POLH: variants seen among roughly 807,000 people sequenced by gnomAD.
POLH encodes the protein DNA polymerase eta.
In POLH, 53 loss-of-function variants were observed where a neutral mutation model predicts 73.6. That is an observed-to-expected ratio of 0.72 (90% CI 0.58 to 0.91). The LOEUF (loss-of-function observed/expected upper bound fraction) is 0.91. Ranked by LOEUF, POLH falls within the 40% of genes least tolerant of loss-of-function variation. POLH has a pLI of 0.00. For missense variants in POLH, 768 were observed against 865.4 expected (o/e 0.89, Z 1.41); for synonymous variants, 292 against 308.5 (o/e 0.95, Z 0.56).
chr6:43,613,778 C>A lies in POLH; in HGVS notation c.1363C>A (p.Pro455Thr). The change falls in exon 11 of 11, where the codon CCA (proline) becomes ACA (threonine). Residue 455 changes from proline to threonine, a missense_variant. Transcript: ENST00000372236. ...SSDPSSLPKVPVTSSEAKTQG... is the reference protein window; with the variant it reads ...SSDPSSLPKVTVTSSEAKTQG... ...TGACCCAAGTTCTCTGCCAAAGGTG[C>A]CAGTTACCAGCTCAGAAGCTAAGAC... 1 of 1,613,838 alleles carries A rather than the reference C, an allele frequency of 6.2e-7. No homozygotes were observed. Among genetic ancestry groups the A allele is most frequent in the Non-Finnish European group, 8.5e-7 (1 of 1,179,912 alleles).
chr6:43,579,485 G>C (rs537549550), intron 1 of POLH, among the ~76,000 whole-genome samples: 344 of 152,310 alleles, frequency 2.3e-3, no homozygotes, highest in Non-Finnish European at 4.0e-3. Flanking sequence ...GAAGTTCCTG[G>C]AGAGTGGTGT....
intron 1 of POLH, among the ~76,000 whole-genome samples, chr6:43,577,000 A>G (rs1236832018): frequency 6.6e-6 from 1 of 152,170 alleles, no homozygotes; most frequent in South Asian, 2.1e-4. Flanking sequence ...TACTAAACAT[A>G]CAAAAATTAT....
Position 43,604,001 on chromosome 6 carries a change from GAGA to G in POLH, c.879_881del (p.Lys293del). On this transcript the variant is annotated inframe_deletion, in exon 7 of 11. Transcript: ENST00000372236. ...ATCCCAGCTCCAGAGTCATTTTGGG[GAGA>G]AGAATGGGTAAGTGATTCATTTTTT... The G allele has an allele frequency of 6.2e-7, 1 of 1,613,112 alleles. No homozygotes were observed. The highest frequency in any genetic ancestry group is 8.5e-7 in the Non-Finnish European group (1 of 1,179,072).
chr6:43,601,252 A>G (rs1177386516), intron 6 of POLH, among the ~76,000 whole-genome samples, 161 bp downstream of exon 6: 1 of 152,082 alleles, frequency 6.6e-6, no homozygotes, highest in East Asian at 1.9e-4. Flanking sequence ...ACACGCTGAG[A>G]CTTTTATTTT....
chr6:43,595,718 G>A (rs949612967), intron 4 of POLH, among the ~76,000 whole-genome samples: 1 of 152,150 alleles, frequency 6.6e-6, no homozygotes, highest in Non-Finnish European at 1.5e-5. Context: ...AGGAGGTGAA[G>A]CTTGTGGTGA....
chr6:43,604,515 A>G lies in POLH; in HGVS notation c.885-100A>G, dbSNP rs903183094. 1.2e-5 allele frequency: 16 copies of G among 1,339,572 alleles called. No homozygotes were observed. In the East Asian group the frequency reaches 1.4e-4, roughly 12 times the overall value. The allele number at this position is 1,339,572 out of a possible 1,614,324, so 83.0% of individuals were successfully genotyped here. A position where few individuals can be genotyped will look rare whatever the true frequency, so the allele number is the denominator to read the frequency against. ...ATTTTGGACAAGGTTTTCCTTTTTC[A>G]TGAAAAAGATAAAAGGGCAATATAA... On this transcript the variant is annotated intron_variant, in intron 7 of 10. Coordinates refer to ENST00000372236, the MANE Select transcript of POLH (RefSeq NM_006502.3).
rs1188633664 is a variant in POLH at position 43,618,922 on chromosome 6, G to C, written c.*4365G>C. On this transcript the variant is annotated 3_prime_UTR_variant, in exon 11 of 11. Coordinates refer to ENST00000372236, the MANE Select transcript of POLH (RefSeq NM_006502.3). ...CTGGGATTACAGGCCTGAGCCACCA[G>C]GCCAGCCCCAACTTCTACTTTTTAT... is the stretch of plus-strand genomic sequence containing the variant. Among the ~76,000 whole-genome samples the C allele has an allele frequency of 2.0e-5, 3 of 149,872 alleles. No individual in the cohort carries two copies. The highest frequency in any genetic ancestry group is 3.0e-5 in the Non-Finnish European group (2 of 67,592).
intron 4 of POLH, chr6:43,590,793 G>A (rs1383588624): frequency 1.3e-5 from 2 of 151,714 alleles, no homozygotes; most frequent in East Asian, 3.9e-4. Context: ...CGCAGTGGCA[G>A]GTGCCTGTAA....
chr6:43,604,532 G>T (rs776474309), intron 7 of POLH, 83 bp from the exon 8 acceptor site: 1 of 1,426,738 alleles, frequency 7.0e-7, no homozygotes, highest in Non-Finnish European at 9.9e-7. Context: ...AGATAAAAGG[G>T]CAATATAATA....
chr6:43,587,361 T>C lies in POLH; in HGVS notation c.362T>C (p.Leu121Pro). ...AGCATTGATGAGGCTTACGTAGATC[T>C]GACCAGTGCTGTACAAGAGAGACTA... The part of the protein sequence containing the change: ...RASIDEAYVD[L>P]TSAVQERLQK... The change falls in exon 4 of 11, where the codon CTG (leucine) becomes CCG (proline). Residue 121 changes from leucine to proline, a missense_variant. Physicochemically the swap from Leu to Pro is moderately conservative, Grantham distance 98. Transcript: ENST00000372236. The C allele has an allele frequency of 6.2e-7, 1 of 1,614,110 alleles. No individual in the cohort carries two copies. Among genetic ancestry groups the C allele is most frequent in the South Asian group, 1.1e-5 (1 of 91,082 alleles).
rs750991026 is a variant in POLH, at chr6:43,610,699, ATACT to A, written c.1222_1225del (p.Thr408LeufsTer36). On this transcript the variant is annotated frameshift_variant, in exon 10 of 11. Transcript: ENST00000372236. LOFTEE classifies it high-confidence loss of function. ...GCATTTACTGTCATCAAGAACTGTA[ATACT>A]TCTGGAATCCAGACAGAATGGTGAG... 3.3e-5 allele frequency: 54 copies of A among 1,612,882 alleles called. No individual in the cohort carries two copies. The highest frequency in any genetic ancestry group is 4.3e-5 in the Non-Finnish European group (51 of 1,179,848).
rs1768406373 is a variant in POLH, at chr6:43,617,200, G to A, written c.*2643G>A. Among the ~76,000 whole-genome samples the A allele has an allele frequency of 6.6e-6, 1 of 152,022 alleles. No homozygotes were observed. The highest frequency in any genetic ancestry group is 6.6e-5 in the Admixed American group (1 of 15,256). ...AACTCTGTCTCAAAAAAACCCACTA[G>A]ATCATCTCTAGAACATTGCTACTCC... On this transcript the variant is annotated 3_prime_UTR_variant, in exon 11 of 11. Coordinates refer to ENST00000372236, the MANE Select transcript of POLH (RefSeq NM_006502.3).
intron 5 of POLH, among the ~76,000 whole-genome samples, chr6:43,599,235 C>T (rs1766456532): frequency 6.6e-6 from 1 of 151,996 alleles, no homozygotes; most frequent in African/African-American, 2.4e-5. Context: ...GTGATTCACC[C>T]ACCTCGGCCT....
intron 5 of POLH, 133 bp from the exon 6 acceptor site, chr6:43,600,855 T>TTAC (rs1408407700): frequency 1.4e-6 from 1 of 730,004 alleles, no homozygotes; most frequent in African/African-American, 1.8e-5. Flanking sequence ...TCTGGTTTTA[T>TTAC]TTTTGTTTTT....
rs749914730 is a variant in POLH, at chr6:43,614,563, C to T, written c.*6C>T. ...TTAAGCCATTAACACATTAGTGCTG[C>T]CCTCAGGCTTGCCTGTAGGATTTAA... On this transcript the variant is annotated 3_prime_UTR_variant, in exon 11 of 11. Coordinates refer to ENST00000372236, the MANE Select transcript of POLH (RefSeq NM_006502.3). 59 of 1,610,144 alleles carry T rather than the reference C, an allele frequency of 3.7e-5. No homozygotes were observed. Among genetic ancestry groups the T allele is most frequent in the Non-Finnish European group, 4.8e-5 (56 of 1,177,226 alleles).
intron 1 of POLH, 94 bp downstream of exon 1, chr6:43,576,534 G>C (rs1405219103): frequency 6.6e-6 from 1 of 152,224 alleles, no homozygotes. Context: ...ACTGGGCCAA[G>C]GTTGCGTGAA....
At chr6:43,606,819 A>G (rs1358365623) in intron 9 of POLH, among the ~76,000 whole-genome samples, 1 of 152,168 alleles carries the variant, frequency 6.6e-6, no homozygotes, top group African/African-American at 2.4e-5. Flanking sequence ...GTTTTAGTAT[A>G]TTGCAGAGTT....
intron 4 of POLH, among the ~76,000 whole-genome samples, chr6:43,588,057 G>T (rs1765026945): frequency 6.6e-6 from 1 of 152,064 alleles, no homozygotes; most frequent in Non-Finnish European, 1.5e-5. Context: ...TCAATAGAAG[G>T]CTGACTGAGC....
intron 9 of POLH, among the ~76,000 whole-genome samples, chr6:43,609,234 A>G (rs932608139): frequency 6.6e-6 from 1 of 151,998 alleles, no homozygotes; most frequent in African/African-American, 2.4e-5. Flanking sequence ...TATAGTTCCT[A>G]CTACAACATA....
Sources: gnomAD v4.1 joint callset for allele counts (sites outside exome capture counted in the v4.1 genomes callset) on GRCh38, gnomAD v4.1.1 for gene constraint, MANE v1.5 for transcripts, NCBI Gene and HGNC (gene_info 2026-07-23, HGNC 2026-07-21) for gene names.